Variants in ABHD2 observed in about 807,000 individuals in gnomAD.
ABHD2 encodes the protein monoacylglycerol lipase ABHD2.
In ABHD2, 20 loss-of-function variants were observed where a neutral mutation model predicts 48.1. That is an observed-to-expected ratio of 0.42 (90% CI 0.29 to 0.60). The LOEUF is 0.60. Among genes scored for constraint, ABHD2 ranks in the 20% least tolerant of loss-of-function variants. The pLI is 0.24. For synonymous variants in ABHD2, 209 were observed against 214.2 expected (o/e 0.98, Z 0.21); for missense variants, 405 against 550.9 (o/e 0.74, Z 2.65).
rs2049962440 is a variant in ABHD2 at position 89,116,422 on chromosome 15, G to A, written c.95G>A (p.Cys32Tyr). ...VAAVLYVIVR[C>Y]LNLKSPTAPP... ...GCTGTGCTGTACGTGATCGTCCGGT[G>A]TTTGAACCTGAAGAGCCCCACAGCC... The change falls in exon 3 of 11, where the codon TGT (cysteine) becomes TAT (tyrosine). Residue 32 changes from cysteine (C) to tyrosine (Y), a missense_variant. Physicochemically the swap from Cys to Tyr is radical, Grantham distance 194. Transcript: ENST00000352732. The surrounding 1 kb of genome is among the most constrained non-coding windows in gnomAD (Gnocchi z 4.6). 5.0e-6 allele frequency: 8 copies of A among 1,614,232 alleles called. No homozygotes were observed. Among genetic ancestry groups the A allele is most frequent in the Non-Finnish European group, 5.1e-6 (6 of 1,180,040 alleles).
chr15:89,057,454 C>G, the ABHD2 span, among the ~76,000 whole-genome samples: 1 of 152,186 alleles, frequency 6.6e-6, no homozygotes, highest in Non-Finnish European at 1.5e-5. Flanking sequence ...TGGGGACTGG[C>G]CGCCTCTGGA....
At position 89,195,282 on chromosome 15, in the gene ABHD2, C is replaced by T. The variant is rs776382206; in HGVS notation, c.1137C>T (p.Phe379=). The change falls in exon 11 of 11, where the codon TTC becomes TTT. Residue 379 remains phenylalanine (F), a synonymous_variant. Transcript: ENST00000352732. The surrounding 1 kb of genome is among the most constrained non-coding windows in gnomAD (Gnocchi z 5.1). ...VLPLHGGHLG[F]FEGSVLFPEP... ...CTCTGCATGGGGGCCACTTGGGCTT[C>T]TTTGAGGGCTCTGTGCTGTTCCCCG... The T allele has an allele frequency of 2.5e-6, 4 of 1,614,208 alleles. No individual in the cohort carries two copies. Among genetic ancestry groups the T allele is most frequent in the Non-Finnish European group, 3.4e-6 (4 of 1,180,028 alleles).
chr15:89,181,058 T>G (rs575932017), intron 6 of ABHD2, among the ~76,000 whole-genome samples: 1 of 151,910 alleles, frequency 6.6e-6, no homozygotes, highest in South Asian at 2.1e-4. Flanking sequence ...AAACACCACC[T>G]CTACTAGAAA....
chr15:89,161,317 T>C (rs79898077), intron 5 of ABHD2, among the ~76,000 whole-genome samples: 2,823 of 152,278 alleles, frequency 0.019, 70 homozygotes, highest in African/African-American at 0.063. Context: ...ACCTCAACAA[T>C]TGTTCAACTC....
At chr15:89,140,898 C>G (rs903845183) in intron 3 of ABHD2, among the ~76,000 whole-genome samples, 1 of 152,206 alleles carries the variant, frequency 6.6e-6, no homozygotes, top group Non-Finnish European at 1.5e-5. Flanking sequence ...TGCCTGGCTC[C>G]CTTTGCCCAG....
At chr15:89,045,928 A>G in the ABHD2 span, among the ~76,000 whole-genome samples, 3 of 152,296 alleles carry the variant, frequency 2.0e-5, no homozygotes, top group East Asian at 3.9e-4. Flanking sequence ...AACTTCCAAC[A>G]CTATGTTGAA....
At chr15:89,112,749 C>T (rs1001675902) in intron 1 of ABHD2, among the ~76,000 whole-genome samples, 1 of 152,308 alleles carries the variant, frequency 6.6e-6, no homozygotes, top group East Asian at 1.9e-4. Context: ...TCTTGCTTGC[C>T]TCTCTTTCTT....
chr15:89,044,748 G>T, the ABHD2 span, among the ~76,000 whole-genome samples: 573 of 152,190 alleles, frequency 3.8e-3, 5 homozygotes, highest in African/African-American at 0.013. Context: ...TTTTGATGGG[G>T]TTGTTTGTTT....
rs1036272303 is a variant in ABHD2 at position 89,102,065 on chromosome 15, A to G, written c.-106-11660A>G. Among the ~76,000 whole-genome samples the G allele has an allele frequency of 1.7e-4, 26 of 152,104 alleles. No individual in the cohort carries two copies. On this transcript the variant is annotated intron_variant, in intron 1 of 10. Coordinates refer to ENST00000352732, the MANE Select transcript of ABHD2 (RefSeq NM_152924.5). This position sits in a 1 kb window ranked among gnomAD's most constrained non-coding sequence, Gnocchi z 4.8. The stretch of plus-strand genomic sequence containing the variant: ...GTAAAGCACTGAAGCTTCATTCCAT[A>G]ATGACTCACTGCCACTGCTCCAAAA...
rs375498793 is a variant in ABHD2, at chr15:89,137,131, G to C, written c.195-14546G>C. On this transcript the variant is annotated intron_variant, in intron 3 of 10. Coordinates refer to ENST00000352732, the MANE Select transcript of ABHD2 (RefSeq NM_152924.5). This position sits in a 1 kb window ranked among gnomAD's most constrained non-coding sequence, Gnocchi z 4.8. ...GTTCTCTAACGGATCCAGGGTTCCA[G>C]TGGAACCCTGGAGACTGGAACTCTG... Among the ~76,000 whole-genome samples the C allele has an allele frequency of 2.6e-5, 4 of 152,162 alleles. No homozygotes were observed. The highest frequency in any genetic ancestry group is 9.7e-5 in the African/African-American group (4 of 41,448).
At chr15:89,130,634 G>C (rs529854715) in intron 3 of ABHD2, among the ~76,000 whole-genome samples, 2 of 152,124 alleles carry the variant, frequency 1.3e-5, no homozygotes, top group Non-Finnish European at 2.9e-5. Flanking sequence ...AAGGCAGGTT[G>C]GACAAGCTTG....
At chr15:89,073,325 T>C in the ABHD2 span, among the ~76,000 whole-genome samples, 1 of 152,220 alleles carries the variant, frequency 6.6e-6, no homozygotes, top group African/African-American at 2.4e-5. Flanking sequence ...TGAGACAGTC[T>C]TGCTCTGTTG....
rs1378258394 is a variant in ABHD2, at chr15:89,094,577, G to A, written c.-107+6014G>A. 1.3e-5 allele frequency among the ~76,000 whole-genome samples: 2 copies of A among 151,700 alleles called. No individual in the cohort carries two copies. The highest frequency in any genetic ancestry group is 1.9e-4 in the East Asian group (1 of 5,132). The stretch of plus-strand genomic sequence containing the variant: ...ACAAAAATTAGCTGAGCATGGTGGT[G>A]TGCGCCTGTAGTCCCAGCTACTTGG... On this transcript the variant is annotated intron_variant, in intron 1 of 10. Transcript: ENST00000352732. The surrounding 1 kb of genome is among the most constrained non-coding windows in gnomAD (Gnocchi z 4.7).
intron 3 of ABHD2, among the ~76,000 whole-genome samples, chr15:89,128,787 G>C (rs1223067878): frequency 6.6e-6 from 1 of 152,140 alleles, no homozygotes; most frequent in East Asian, 1.9e-4. Flanking sequence ...CCTATGGTCT[G>C]TGGGGGGGAG....
chr15:89,081,403 T>C, the ABHD2 span, among the ~76,000 whole-genome samples: 1 of 152,154 alleles, frequency 6.6e-6, no homozygotes. Flanking sequence ...AATGGACATT[T>C]GGGTTGTTTC....
At chr15:89,117,968 G>A (rs1458678095) in intron 3 of ABHD2, among the ~76,000 whole-genome samples, 1 of 152,154 alleles carries the variant, frequency 6.6e-6, no homozygotes, top group Non-Finnish European at 1.5e-5. Flanking sequence ...CGTAATAGTG[G>A]TGGACACTAT....
At chr15:89,048,248 G>C in the ABHD2 span, among the ~76,000 whole-genome samples, 1 of 152,070 alleles carries the variant, frequency 6.6e-6, no homozygotes, top group Non-Finnish European at 1.5e-5. Flanking sequence ...CTGGCTTGTA[G>C]AGTTTCTGCC....
rs778384944 is a variant in ABHD2, at chr15:89,188,322, G to A, written c.926+19G>A. ...TGATGAGGTGTGTCCGCGCAGGCGGGAGAGGGACGCTCTGGGGCAGGGTGC... is the reference window on the plus strand; with the variant it reads ...TGATGAGGTGTGTCCGCGCAGGCGGAAGAGGGACGCTCTGGGGCAGGGTGC... On this transcript the variant is annotated intron_variant, in intron 8 of 10. Coordinates refer to ENST00000352732, the MANE Select transcript of ABHD2 (RefSeq NM_152924.5). The surrounding 1 kb of genome is among the most constrained non-coding windows in gnomAD (Gnocchi z 4.1). The A allele has an allele frequency of 6.2e-7, 1 of 1,611,118 alleles. No homozygotes were observed.
At chr15:89,144,493 A>G (rs2050460484) in intron 3 of ABHD2, among the ~76,000 whole-genome samples, 1 of 152,206 alleles carries the variant, frequency 6.6e-6, no homozygotes. Flanking sequence ...TCATACAATG[A>G]AATACTATTC....
Sources: allele counts gnomAD v4.1 joint callset (sites outside exome capture counted in the v4.1 genomes callset), GRCh38; gene constraint gnomAD v4.1.1; non-coding constraint Gnocchi (gnomAD v3.1); transcripts MANE v1.5; gene names NCBI Gene and HGNC (gene_info 2026-07-23, HGNC 2026-07-21).